The following ANKRD13A variants were observed in gnomAD, a reference collection of about 807,000 sequenced individuals.
The protein encoded by ANKRD13A is ankyrin repeat domain-containing protein 13A.
Under a neutral mutation model 81.3 loss-of-function variants are expected in ANKRD13A, and 48 were observed. The ratio of observed to expected loss-of-function variants is 0.59; its 90% CI spans 0.47 to 0.75. ANKRD13A has a LOEUF of 0.75. Ranked by LOEUF, ANKRD13A falls within the 30% of genes least tolerant of loss-of-function variation. The pLI, the probability that ANKRD13A is intolerant of heterozygous loss-of-function variation, is 0.00. For missense variants in ANKRD13A, 612 were observed against 734.0 expected, an observed-to-expected ratio of 0.83 and a Z score of 1.92; for synonymous variants, 230 against 270.1, an observed-to-expected ratio of 0.85 and a Z score of 1.45.
In ANKRD13A at chr12:110,018,639, C is replaced by A; in HGVS notation, c.544+151C>A. On this transcript the variant is annotated intron_variant, in intron 5 of 14. Coordinates refer to ENST00000261739, the MANE Select transcript of ANKRD13A (RefSeq NM_033121.2). This position sits in a 1 kb window ranked among gnomAD's most constrained non-coding sequence, Gnocchi z 4.4. ...TATTCTTATTAATTATTCAGCTCTC[C>A]ATCCCTGTCTTCGTTCTTGTCTGGC... 2 of 943,356 alleles carry A rather than the reference C, an allele frequency of 2.1e-6. No homozygotes were observed. Among genetic ancestry groups the A allele is most frequent in the South Asian group, 1.8e-5 (1 of 55,392 alleles). 58.4% of individuals were successfully genotyped at this position (943,356 alleles called of 1,614,324 possible).
intron 6 of ANKRD13A, among the ~76,000 whole-genome samples, chr12:110,020,099 C>T (rs1891006083): frequency 6.6e-6 from 1 of 152,166 alleles, no homozygotes; most frequent in Non-Finnish European, 1.5e-5. Context: ...GTAGCTTAGC[C>T]TGAGAAAATG....
Position 110,036,253 on chromosome 12 carries a change from T to A in ANKRD13A, c.1510-8T>A. On this transcript the variant is annotated splice_region_variant and splice_polypyrimidine_tract_variant and intron_variant, in intron 13 of 14. Coordinates refer to ENST00000261739, the MANE Select transcript of ANKRD13A (RefSeq NM_033121.2). The surrounding 1 kb of genome is among the most constrained non-coding windows in gnomAD (Gnocchi z 4.6). ...CGTATTCATGTCTATCACATTTGTC[T>A]TTGCCAGGAACTTTCAGGACCAGCT... The A allele has an allele frequency of 6.2e-7, 1 of 1,613,790 alleles. No homozygotes were observed. Among genetic ancestry groups the A allele is most frequent in the Non-Finnish European group, 8.5e-7 (1 of 1,179,682 alleles).
chr12:110,037,610 C>G lies in ANKRD13A; in HGVS notation c.*56C>G. 1 of 1,555,476 alleles carries G rather than the reference C, an allele frequency of 6.4e-7. No individual in the cohort carries two copies. The highest frequency in any genetic ancestry group is 1.2e-5 in the South Asian group (1 of 85,628). ...CAGAGGCTGTGGGCTGTCACAGATG[C>G]TGTGTCAACCAGGGCCCTAGGGCTA... On this transcript the variant is annotated 3_prime_UTR_variant, in exon 15 of 15. Transcript: ENST00000261739.
At chr12:110,017,039 G>T (rs1890837387) in intron 4 of ANKRD13A, among the ~76,000 whole-genome samples, 2 of 152,076 alleles carry the variant, frequency 1.3e-5, no homozygotes, top group Admixed American at 6.6e-5. Flanking sequence ...CCCCCAAAGT[G>T]CTGGGATTAC....
At position 110,028,520 on chromosome 12, in the gene ANKRD13A, C is replaced by T. The variant is rs146603421; in HGVS notation, c.954C>T (p.Thr318=). ...EHQFGAQGDL[T]TECATANNPT... ...GAGTTCTGGCTCAGCAGGACCTCAC[C>T]ACGGAATGTGCTACTGCAAACAACC... Residue 318 remains threonine (T), a synonymous_variant, in exon 10 of 15, where the codon ACC becomes ACT. Coordinates refer to ENST00000261739, the MANE Select transcript of ANKRD13A (RefSeq NM_033121.2). The T allele has an allele frequency of 7.7e-5, 125 of 1,613,902 alleles. No homozygotes were observed. The highest frequency in any genetic ancestry group is 1.0e-4 in the Non-Finnish European group (122 of 1,179,976).
chr12:110,007,771 T>G (rs1890315736), intron 1 of ANKRD13A, among the ~76,000 whole-genome samples: 1 of 152,260 alleles, frequency 6.6e-6, no homozygotes, highest in Non-Finnish European at 1.5e-5. Flanking sequence ...CTAAATGTTT[T>G]ATTTTTTGAT....
At chr12:110,003,567 A>T (rs1260961971) in intron 1 of ANKRD13A, among the ~76,000 whole-genome samples, 1 of 152,206 alleles carries the variant, frequency 6.6e-6, no homozygotes, top group African/African-American at 2.4e-5. Context: ...GAGAGAGAGG[A>T]GGACTAGCCA....
At chr12:110,021,902 A>C (rs1332016000) in intron 6 of ANKRD13A, 1 of 152,134 alleles carries the variant, frequency 6.6e-6, no homozygotes, top group Non-Finnish European at 1.5e-5. Flanking sequence ...CTCAAACAAA[A>C]TATTCCCTGC....
Position 109,999,638 on chromosome 12 carries a change from G to T in ANKRD13A, c.-51G>T, listed in dbSNP as rs1889835130. ...GCAGGCGGGCGCGGGAGACCCCGCC[G>T]GGGCCGAGACTTGGGGCGGGCGACG... On this transcript the variant is annotated 5_prime_UTR_variant, in exon 1 of 15. Coordinates refer to ENST00000261739, the MANE Select transcript of ANKRD13A (RefSeq NM_033121.2). This position sits in a 1 kb window ranked among gnomAD's most constrained non-coding sequence, Gnocchi z 4.3. 2.8e-6 allele frequency: 4 copies of T among 1,444,572 alleles called. No homozygotes were observed. The highest frequency in any genetic ancestry group is 9.2e-7 in the Non-Finnish European group (1 of 1,081,492). 89.5% of individuals were successfully genotyped at this position (1,444,572 alleles called of 1,614,324 possible).
chr12:110,035,527 G>C (rs1397220622), intron 13 of ANKRD13A, among the ~76,000 whole-genome samples: 1 of 151,692 alleles, frequency 6.6e-6, no homozygotes, highest in African/African-American at 2.4e-5. Flanking sequence ...TTGGCTCACT[G>C]CAGCCTCTGC....
At chr12:110,024,684 C>G (rs1891232715) in intron 7 of ANKRD13A, among the ~76,000 whole-genome samples, 1 of 152,190 alleles carries the variant, frequency 6.6e-6, no homozygotes, top group African/African-American at 2.4e-5. Context: ...GAGCCCAGTG[C>G]TGCAGGGTCC....
chr12:110,019,277 C>T lies in ANKRD13A; in HGVS notation c.683C>T (p.Thr228Ile). 1 of 1,613,952 alleles carries T rather than the reference C, an allele frequency of 6.2e-7. No individual in the cohort carries two copies. The highest frequency in any genetic ancestry group is 2.2e-5 in the East Asian group (1 of 44,886). ...PKSREVERRLTSPVINTSLDT... is the reference protein window; with the variant it reads ...PKSREVERRLISPVINTSLDT... ...AGCAGGGAAGTTGAGCGGCGGCTCA[C>T]AAGCCCTGTCATTAACACCAGCCTC... The change falls in exon 6 of 15, where the codon ACA becomes ATA. Residue 228 changes from threonine to isoleucine, a missense_variant. Transcript: ENST00000261739.
chr12:110,005,317 G>T (rs1425775185), intron 1 of ANKRD13A, among the ~76,000 whole-genome samples: 1 of 152,022 alleles, frequency 6.6e-6, no homozygotes, highest in East Asian at 1.9e-4. Context: ...AATTTTTAAA[G>T]ATTTTTTTGT....
Position 110,025,839 on chromosome 12 carries a change from C to T in ANKRD13A, c.883+16C>T, listed in dbSNP as rs773639994. The T allele has an allele frequency of 1.2e-6, 2 of 1,601,410 alleles. No homozygotes were observed. The highest frequency in any genetic ancestry group is 2.2e-5 in the South Asian group (2 of 90,390). On this transcript the variant is annotated intron_variant, in intron 8 of 14. Transcript: ENST00000261739. ...AGATATAAAGGTAATCACCACCACC[C>T]TCCCACCTCCTGTTTTGTTGTTATT...
Position 110,038,822 on chromosome 12 carries a change from G to C in ANKRD13A, c.*1268G>C, listed in dbSNP as rs1892208361. The C allele has an allele frequency of 6.6e-6, 1 of 152,120 alleles. No individual in the cohort carries two copies. The highest frequency in any genetic ancestry group is 2.1e-4 in the South Asian group (1 of 4,814). The allele number at this position is 152,120 out of a possible 1,614,324, so 9.4% of individuals were successfully genotyped here. On this transcript the variant is annotated 3_prime_UTR_variant, in exon 15 of 15. Transcript: ENST00000261739. ...ATCGCACAACATACAGAACCCTGGG[G>C]AATACAGCCAAGGGCACTGCTCACT...
Position 110,038,713 on chromosome 12 carries a change from T to C in ANKRD13A, c.*1159T>C, listed in dbSNP as rs971009622. 2.0e-5 allele frequency: 3 copies of C among 152,650 alleles called. No individual in the cohort carries two copies. The highest frequency in any genetic ancestry group is 4.4e-5 in the Non-Finnish European group (3 of 68,046). 9.5% of individuals were successfully genotyped at this position (152,650 alleles called of 1,614,324 possible). On this transcript the variant is annotated 3_prime_UTR_variant, in exon 15 of 15. Transcript: ENST00000261739. ...TCCCATCAGTAGCAATACAAGGTTA[T>C]ACATTTTAACCAGATTTTCTCAGGC...
intron 13 of ANKRD13A, among the ~76,000 whole-genome samples, chr12:110,034,924 GC>G (rs1891934289): frequency 6.6e-6 from 1 of 152,228 alleles, no homozygotes. Context: ...CAGGGCTGCT[GC>G]TTTGAGAACA....
At chr12:110,012,327 C>T (rs1480872614) in intron 2 of ANKRD13A, among the ~76,000 whole-genome samples, 190 bp downstream of exon 2, 1 of 152,132 alleles carries the variant, frequency 6.6e-6, no homozygotes, top group African/African-American at 2.4e-5. Context: ...GATTGCGTCA[C>T]TGCACTCCAC....
At chr12:110,033,055 C>CTTTTT (rs1195852066) in intron 12 of ANKRD13A, among the ~76,000 whole-genome samples, 4 of 130,474 alleles carry the variant, frequency 3.1e-5, no homozygotes, top group Non-Finnish European at 5.0e-5. Flanking sequence ...TTTTCTTTTT[C>CTTTTT]TTTTTTTTTT....
Sources: gnomAD v4.1 joint callset for allele counts (sites outside exome capture counted in the v4.1 genomes callset) on GRCh38, gnomAD v4.1.1 for gene constraint, Gnocchi (gnomAD v3.1) non-coding constraint, MANE v1.5 for transcripts, NCBI Gene and HGNC (gene_info 2026-07-23, HGNC 2026-07-21) for gene names.